The following TSNARE1 variants were observed in gnomAD, a reference collection of about 807,000 sequenced individuals.
The protein encoded by TSNARE1 is t-SNARE domain-containing protein 1.
In TSNARE1, 49 loss-of-function variants were observed where a neutral mutation model predicts 62.0. The observed-to-expected ratio is 0.79, with a 90% CI of 0.63 to 1.00. TSNARE1 has a LOEUF of 1.00. Among genes scored for constraint, TSNARE1 ranks in the 50% least tolerant of loss-of-function variants. The probability of loss-of-function intolerance (pLI) is 0.00; values close to 1 mark genes in which losing one functional copy is unlikely to be tolerated. For synonymous variants in TSNARE1, 328 were observed against 294.4 expected (o/e 1.11, Z -1.17); for missense variants, 755 against 700.1 (o/e 1.08, Z -0.88).
intron 12 of TSNARE1, among the ~76,000 whole-genome samples, chr8:142,233,430 G>T (rs1232442797): frequency 1.3e-5 from 2 of 152,174 alleles, no homozygotes; most frequent in Non-Finnish European, 2.9e-5. Flanking sequence ...ACTGCCTGGG[G>T]CACGGTTCTA....
At chr8:142,281,760 G>A (rs1821515750) in intron 11 of TSNARE1, among the ~76,000 whole-genome samples, 1 of 152,038 alleles carries the variant, frequency 6.6e-6, no homozygotes, top group African/African-American at 2.4e-5. Context: ...GGAGTCGGTG[G>A]GCCTGGGCGG....
At position 142,358,113 on chromosome 8, in the gene TSNARE1, G is replaced by A. The variant is rs1398231823; in HGVS notation, c.-39-3350C>T. ...TTTCAGGACAAGGGGAACAGCCAGCGGCCATCACTGCAAAGGGCGGCAGGG... is the reference window on the plus strand; with the variant it reads ...TTTCAGGACAAGGGGAACAGCCAGCAGCCATCACTGCAAAGGGCGGCAGGG... On this transcript the variant is annotated intron_variant, in intron 1 of 13. Coordinates refer to ENST00000524325, the MANE Select transcript of TSNARE1 (RefSeq NM_145003.5). Among the ~76,000 whole-genome samples the A allele has an allele frequency of 4.6e-5, 4 of 86,642 alleles. 1 individual carries two copies. Among genetic ancestry groups the A allele is most frequent in the Non-Finnish European group, 8.2e-5 (4 of 48,542 alleles). The allele number at this position is 86,642 out of a possible 152,430, so 56.8% of individuals were successfully genotyped here. A position where few individuals can be genotyped will look rare whatever the true frequency, so the allele number is the denominator to read the frequency against.
intron 13 of TSNARE1, among the ~76,000 whole-genome samples, chr8:142,218,199 T>C (rs557810331): frequency 2.0e-5 from 3 of 150,854 alleles, no homozygotes; most frequent in African/African-American, 7.3e-5. Context: ...GGACTCAGAG[T>C]GTGACCAGAG....
chr8:142,341,639 G>A (rs1035841413), intron 4 of TSNARE1, among the ~76,000 whole-genome samples: 10 of 152,098 alleles, frequency 6.6e-5, no homozygotes, highest in Non-Finnish European at 1.0e-4. Flanking sequence ...CCTCCCACCC[G>A]GGACCACCTC....
chr8:142,349,229 G>C (rs1452987510), intron 2 of TSNARE1, among the ~76,000 whole-genome samples: 1 of 152,130 alleles, frequency 6.6e-6, no homozygotes, highest in Non-Finnish European at 1.5e-5. Flanking sequence ...CTGGAAAAAA[G>C]TACATCTGAA....
chr8:142,310,195 A>G (rs530122777), intron 9 of TSNARE1, among the ~76,000 whole-genome samples: 1 of 152,174 alleles, frequency 6.6e-6, no homozygotes, highest in African/African-American at 2.4e-5. Flanking sequence ...AACGTGTTTT[A>G]TATTTCGTTA....
chr8:142,315,963 C>T (rs983920326), intron 7 of TSNARE1, among the ~76,000 whole-genome samples: 6 of 152,224 alleles, frequency 3.9e-5, no homozygotes, highest in Non-Finnish European at 7.3e-5. Flanking sequence ...CACCAAGCCG[C>T]GTGAAGGAGC....
At chr8:142,271,676 TC>T in intron 12 of TSNARE1, 1 of 1,387,002 alleles carries the variant, frequency 7.2e-7, no homozygotes, top group Non-Finnish European at 9.3e-7. Context: ...GCTGGGGGTC[TC>T]GTCCTCCTCA....
At chr8:142,386,545 G>GA (rs532068619) in intron 1 of TSNARE1, among the ~76,000 whole-genome samples, 16 of 146,598 alleles carry the variant, frequency 1.1e-4, no homozygotes, top group East Asian at 2.0e-4. Context: ...CACTAGGCAA[G>GA]AAAAAAAAAA....
At chr8:142,337,886 C>T (rs1229701572) in intron 4 of TSNARE1, among the ~76,000 whole-genome samples, 2 of 152,214 alleles carry the variant, frequency 1.3e-5, no homozygotes, top group Non-Finnish European at 2.9e-5. Context: ...GGGACGGCCA[C>T]CCAGCTGAAG....
intron 11 of TSNARE1, chr8:142,275,528 C>T (rs1206875986): frequency 1.0e-6 from 1 of 985,322 alleles, no homozygotes; most frequent in African/African-American, 1.7e-5. Flanking sequence ...AGATTCCATG[C>T]TCAGCATTGT....
chr8:142,307,583 A>G (rs1211092183), intron 9 of TSNARE1, among the ~76,000 whole-genome samples: 3 of 152,242 alleles, frequency 2.0e-5, no homozygotes, highest in African/African-American at 7.2e-5. Flanking sequence ...TAAATAGCAT[A>G]GTTGTTCTGC....
intron 13 of TSNARE1, among the ~76,000 whole-genome samples, chr8:142,223,109 C>A (rs534498492): frequency 2.5e-5 from 1 of 40,806 alleles, no homozygotes; most frequent in East Asian, 6.0e-4. Flanking sequence ...CATTCACTCA[C>A]TCGTTCACTC....
rs900177081 is a variant in TSNARE1 at position 142,276,430 on chromosome 8, C to T, written c.1364-1567G>A. 73 of 985,460 alleles carry T rather than the reference C, an allele frequency of 7.4e-5. 1 individual carries two copies. Among genetic ancestry groups the T allele is most frequent in the Middle Eastern group, 1.0e-3 (2 of 1,914 alleles). The allele number at this position is 985,460 out of a possible 1,614,324, so 61.0% of individuals were successfully genotyped here. On this transcript the variant is annotated intron_variant, in intron 11 of 13. Transcript: ENST00000524325. The stretch of plus-strand genomic sequence containing the variant: ...CAGGGAGGAGGCGCTAGCCTGGGCC[C>T]GGGCAATGCCCCGCTCACGTGCAAA...
intron 13 of TSNARE1, among the ~76,000 whole-genome samples, chr8:142,226,299 C>T (rs1309781354): frequency 2.0e-5 from 3 of 152,126 alleles, no homozygotes; most frequent in Admixed American, 6.5e-5. Context: ...AGAGTGTGGC[C>T]GGGCACACGC....
At chr8:142,340,104 A>G (rs909655275) in intron 4 of TSNARE1, among the ~76,000 whole-genome samples, 1 of 152,130 alleles carries the variant, frequency 6.6e-6, no homozygotes, top group Non-Finnish European at 1.5e-5. Context: ...AGGAAGGCGG[A>G]CGGCATCAGG....
At chr8:142,271,431 C>A in intron 12 of TSNARE1, 1 of 1,253,026 alleles carries the variant, frequency 8.0e-7, no homozygotes, top group Non-Finnish European at 1.0e-6. Context: ...TGCTCAAATG[C>A]GGACGTTTCA....
chr8:142,227,129 C>G (rs1339842601), intron 13 of TSNARE1, among the ~76,000 whole-genome samples: 1 of 151,644 alleles, frequency 6.6e-6, no homozygotes, highest in Non-Finnish European at 1.5e-5. Context: ...GCCAGAACCC[C>G]CACTGCACCC....
intron 5 of TSNARE1, among the ~76,000 whole-genome samples, chr8:142,331,398 C>A (rs759853892): frequency 2.0e-5 from 3 of 152,232 alleles, no homozygotes; most frequent in Non-Finnish European, 4.4e-5. Context: ...CTCCACTGGG[C>A]TCCATCCAGA....
Sources: gnomAD v4.1 joint callset for allele counts (sites outside exome capture counted in the v4.1 genomes callset) on GRCh38, gnomAD v4.1.1 for gene constraint, MANE v1.5 for transcripts, NCBI Gene and HGNC (gene_info 2026-07-23, HGNC 2026-07-21) for gene names.